The following RBM20 variants were observed in gnomAD, a reference collection of about 807,000 sequenced individuals.
The protein encoded by RBM20 is RNA binding motif protein 20, also known as RNA-binding protein 20.
Under a neutral mutation model 110.1 loss-of-function variants are expected in RBM20, and 51 were observed. That is an observed-to-expected ratio of 0.46 (90% CI 0.37 to 0.59). The LOEUF is 0.59. Ranked by LOEUF, RBM20 falls within the 20% of genes least tolerant of loss-of-function variation. The pLI is 0.00. For missense variants in RBM20, 1,512 were observed against 1,574.9 expected (o/e 0.96, Z 0.68); for synonymous variants, 589 against 618.2 (o/e 0.95, Z 0.70).
At chr10:110,827,020 TG>T (rs1844990460) in intron 12 of RBM20, among the ~76,000 whole-genome samples, 1 of 152,206 alleles carries the variant, frequency 6.6e-6, no homozygotes, top group African/African-American at 2.4e-5. Flanking sequence ...AGATTGTATT[TG>T]TTAATAGTCT....
intron 1 of RBM20, among the ~76,000 whole-genome samples, chr10:110,772,024 T>C (rs866954995): frequency 1.3e-5 from 2 of 152,230 alleles, no homozygotes; most frequent in African/African-American, 2.4e-5. Context: ...AGATCTTATG[T>C]TACCGAGAAA....
At chr10:110,729,550 C>T (rs987921302) in intron 1 of RBM20, among the ~76,000 whole-genome samples, 11 of 152,220 alleles carry the variant, frequency 7.2e-5, no homozygotes, top group African/African-American at 2.7e-4. Flanking sequence ...CGCAGGAGGG[C>T]AGAAGCTGAG....
chr10:110,748,665 T>TTCTC (rs151057897), intron 1 of RBM20, among the ~76,000 whole-genome samples: 4 of 151,212 alleles, frequency 2.6e-5, no homozygotes, highest in East Asian at 1.9e-4. Context: ...TAGTTATATC[T>TTCTC]TCTCTCTCTC....
intron 1 of RBM20, among the ~76,000 whole-genome samples, chr10:110,735,373 A>C (rs1023563412): frequency 1.3e-5 from 2 of 152,208 alleles, no homozygotes; most frequent in African/African-American, 4.8e-5. Flanking sequence ...GGAACATATC[A>C]TGCATACTGT....
intron 1 of RBM20, among the ~76,000 whole-genome samples, chr10:110,675,973 A>G (rs189586582): frequency 6.6e-6 from 1 of 152,346 alleles, no homozygotes; most frequent in Non-Finnish European, 1.5e-5. Context: ...TCTGAGAATG[A>G]GAAGCAGTGA....
At chr10:110,722,268 T>G (rs1018334083) in intron 1 of RBM20, among the ~76,000 whole-genome samples, 1 of 152,210 alleles carries the variant, frequency 6.6e-6, no homozygotes, top group Non-Finnish European at 1.5e-5. Context: ...CTTTATTTTT[T>G]AGAGAAGTTT....
At chr10:110,812,224 G>T in intron 8 of RBM20, 54 bp from the exon 9 acceptor site, 2 of 1,428,532 alleles carry the variant, frequency 1.4e-6, no homozygotes, top group South Asian at 1.4e-5. Flanking sequence ...TGTGTGGGTG[G>T]GGTGGGATGG....
At chr10:110,835,613 G>C in intron 13 of RBM20, 1 of 268,188 alleles carries the variant, frequency 3.7e-6, no homozygotes, top group South Asian at 7.6e-5. Context: ...GGGATTACAG[G>C]TGTGAGACAC....
rs1172371194 is a variant in RBM20, at chr10:110,780,912, C to A, written c.303C>A (p.His101Gln). 2.6e-6 allele frequency: 4 copies of A among 1,551,624 alleles called. No individual in the cohort carries two copies. Among genetic ancestry groups the A allele is most frequent in the Non-Finnish European group, 3.5e-6 (4 of 1,146,982 alleles). ...LAQLQAQLTL[H>Q]RLKLAQTAVT... Reference sequence around the variant, plus strand: ...AACTGCAGGCCCAGCTCACCCTCCACCGGCTGAAGCTGGCACAGACAGCTG... The same window carrying A: ...AACTGCAGGCCCAGCTCACCCTCCAACGGCTGAAGCTGGCACAGACAGCTG... Residue 101 changes from histidine to glutamine, a missense_variant, in exon 2 of 14, where the codon CAC becomes CAA. Physicochemically the swap from His to Gln is conservative, Grantham distance 24 (BLOSUM62 0). This residue lies in a region of RBM20 where 1,149 missense variants were observed against 1,169.4 expected (regional missense o/e 0.98). Coordinates refer to ENST00000369519, the MANE Select transcript of RBM20 (RefSeq NM_001134363.3).
intron 1 of RBM20, among the ~76,000 whole-genome samples, chr10:110,741,875 G>A (rs1174477877): frequency 6.6e-6 from 1 of 152,018 alleles, no homozygotes. Context: ...CCTCTAGAAT[G>A]CCCACTTCCC....
chr10:110,706,880 G>C (rs1862847446), intron 1 of RBM20, among the ~76,000 whole-genome samples: 1 of 151,978 alleles, frequency 6.6e-6, no homozygotes, highest in Non-Finnish European at 1.5e-5. Flanking sequence ...GCTTTTGTGA[G>C]CCTTTTATAG....
At chr10:110,724,203 G>A (rs186092311) in intron 1 of RBM20, among the ~76,000 whole-genome samples, 5 of 152,300 alleles carry the variant, frequency 3.3e-5, no homozygotes, top group East Asian at 3.9e-4. Flanking sequence ...TGTCTCTGTG[G>A]CAGTGGTAAA....
At chr10:110,720,458 A>G (rs1439812558) in intron 1 of RBM20, among the ~76,000 whole-genome samples, 3 of 152,176 alleles carry the variant, frequency 2.0e-5, no homozygotes, top group Non-Finnish European at 4.4e-5. Flanking sequence ...GAACATAGCC[A>G]TGGGCCAGAA....
At chr10:110,835,182 T>C (rs114614823) in intron 13 of RBM20, 1 of 152,318 alleles carries the variant, frequency 6.6e-6, no homozygotes, top group African/African-American at 2.4e-5. Context: ...GAGCTTGGGC[T>C]GTTTCTGGAA....
intron 6 of RBM20, 31 bp downstream of exon 6, chr10:110,797,679 A>G: frequency 1.3e-6 from 2 of 1,546,592 alleles, no homozygotes; most frequent in South Asian, 1.2e-5. Flanking sequence ...TCCAGTGTAT[A>G]TGCCACAGAC....
chr10:110,819,504 G>A lies in RBM20; in HGVS notation c.2551-568G>A, dbSNP rs148928684. Reference sequence around the variant, plus strand: ...CAATTGTTCAGTTTCACAGACATGCGCACTACTGTGAGGGTCCTGATTTGG... The same window carrying A: ...CAATTGTTCAGTTTCACAGACATGCACACTACTGTGAGGGTCCTGATTTGG... On this transcript the variant is annotated intron_variant, in intron 9 of 13. Coordinates refer to ENST00000369519, the MANE Select transcript of RBM20 (RefSeq NM_001134363.3). Among the ~76,000 whole-genome samples, 789 of 152,300 alleles carry A rather than the reference G, an allele frequency of 5.2e-3. 4 individuals are homozygous for A. The highest frequency in any genetic ancestry group is 0.018 in the African/African-American group (728 of 41,552).
intron 1 of RBM20, among the ~76,000 whole-genome samples, chr10:110,671,085 C>T (rs1333990472): frequency 6.6e-6 from 1 of 152,198 alleles, no homozygotes; most frequent in East Asian, 1.9e-4. Context: ...CCTCGAAGCC[C>T]CCAGGCCTAG....
chr10:110,754,636 A>G (rs1024766303), intron 1 of RBM20, among the ~76,000 whole-genome samples: 5 of 152,054 alleles, frequency 3.3e-5, no homozygotes, highest in African/African-American at 1.2e-4. Flanking sequence ...CTTCAATAAG[A>G]TTTTCATTTG....
chr10:110,692,332 T>A (rs113304430), intron 1 of RBM20, among the ~76,000 whole-genome samples: 3,289 of 152,290 alleles, frequency 0.022, 47 homozygotes, highest in Non-Finnish European at 0.033. Context: ...TTGATAGGAA[T>A]TACATTCAAT....
Sources: gnomAD v4.1 joint callset for allele counts (sites outside exome capture counted in the v4.1 genomes callset) on GRCh38, gnomAD v4.1.1 for gene constraint, gnomAD v4.1.1 regional missense constraint, MANE v1.5 for transcripts, NCBI Gene and HGNC (gene_info 2026-07-23, HGNC 2026-07-21) for gene names.